Variants in SPOCK3 observed in about 807,000 individuals in gnomAD.
SPOCK3 encodes the protein SPARC (osteonectin), cwcv and kazal like domains proteoglycan 3, also known as testican-3.
SPOCK3 carries 30 observed loss-of-function variants against 56.6 expected under a neutral mutation model. That is an observed-to-expected ratio of 0.53 (90% CI 0.40 to 0.72). SPOCK3 has a LOEUF of 0.72. Ranked by LOEUF, SPOCK3 falls within the 30% of genes least tolerant of loss-of-function variation. The probability of loss-of-function intolerance (pLI) is 0.00; values close to 1 mark genes in which losing one functional copy is unlikely to be tolerated. For synonymous variants in SPOCK3, 196 were observed against 183.3 expected, an observed-to-expected ratio of 1.07 and a Z score of -0.56; for missense variants, 527 against 530.0, an observed-to-expected ratio of 0.99 and a Z score of 0.06.
intron 2 of SPOCK3, among the ~76,000 whole-genome samples, chr4:167,231,985 C>T (rs1737222466): frequency 6.6e-6 from 1 of 152,034 alleles, no homozygotes; most frequent in African/African-American, 2.4e-5. Flanking sequence ...TAAAATGTAT[C>T]AGTAAATCCT....
intron 4 of SPOCK3, among the ~76,000 whole-genome samples, chr4:166,979,429 GT>G (rs1039887426): frequency 1.4e-4 from 22 of 152,212 alleles, no homozygotes; most frequent in Non-Finnish European, 2.2e-4. Context: ...CATTTCCATT[GT>G]TTTTTCCCCA....
intron 4 of SPOCK3, among the ~76,000 whole-genome samples, chr4:166,997,784 G>T (rs1748541726): frequency 6.6e-6 from 1 of 152,188 alleles, no homozygotes; most frequent in Non-Finnish European, 1.5e-5. Flanking sequence ...AGACTGGAAA[G>T]TGTGTTTGAA....
At chr4:166,904,237 G>A (rs1460807453) in intron 5 of SPOCK3, among the ~76,000 whole-genome samples, 1 of 151,840 alleles carries the variant, frequency 6.6e-6, no homozygotes, top group East Asian at 1.9e-4. Context: ...CAATATTAGT[G>A]TATGTTAGTG....
chr4:167,002,328 T>C (rs973614568), intron 3 of SPOCK3, among the ~76,000 whole-genome samples: 4 of 152,284 alleles, frequency 2.6e-5, no homozygotes, highest in East Asian at 1.9e-4. Context: ...ATTTCAAATA[T>C]ATAAAGTATA....
intron 3 of SPOCK3, among the ~76,000 whole-genome samples, chr4:167,014,866 A>C (rs77554981): frequency 0.016 from 2,507 of 152,200 alleles, 61 homozygotes; most frequent in African/African-American, 0.056. Flanking sequence ...GGGTATCCGC[A>C]TTCACAAAAA....
chr4:167,038,361 C>G (rs1446937520), intron 3 of SPOCK3, among the ~76,000 whole-genome samples: 1 of 152,148 alleles, frequency 6.6e-6, no homozygotes, highest in Non-Finnish European at 1.5e-5. Flanking sequence ...GGCATACTTT[C>G]TTCATCTCTT....
At chr4:166,835,925 G>T (rs926911711) in intron 6 of SPOCK3, among the ~76,000 whole-genome samples, 1 of 152,124 alleles carries the variant, frequency 6.6e-6, no homozygotes, top group East Asian at 1.9e-4. Context: ...AGAATCGCTT[G>T]AACCTGGGAA....
chr4:167,118,250 T>C (rs879795727), intron 2 of SPOCK3, among the ~76,000 whole-genome samples: 1 of 152,194 alleles, frequency 6.6e-6, no homozygotes, highest in East Asian at 1.9e-4. Context: ...AGTAATTTTA[T>C]AGCTTATAGA....
intron 2 of SPOCK3, among the ~76,000 whole-genome samples, chr4:167,089,782 C>T (rs1476384993): frequency 1.3e-5 from 2 of 152,126 alleles, no homozygotes; most frequent in African/African-American, 4.8e-5. Flanking sequence ...TCTTTCATAT[C>T]CCTTTATAGT....
At position 166,939,339 on chromosome 4, in the gene SPOCK3, T is replaced by C. The variant is rs935896063; in HGVS notation, c.351-26596A>G. Among the ~76,000 whole-genome samples the C allele has an allele frequency of 5.3e-5, 8 of 152,268 alleles. No homozygotes were observed. In the East Asian group the frequency reaches 1.5e-3, roughly 29 times the overall value. Reference sequence around the variant, plus strand: ...TCCATACATATTTACTTATTATTTATTCTGCAAAATAAGCTATACAAGATG... The same window carrying C: ...TCCATACATATTTACTTATTATTTACTCTGCAAAATAAGCTATACAAGATG... On this transcript the variant is annotated intron_variant, in intron 4 of 10. Transcript: ENST00000357545.
intron 4 of SPOCK3, among the ~76,000 whole-genome samples, chr4:166,989,978 C>T (rs1747597388): frequency 6.6e-6 from 1 of 152,110 alleles, no homozygotes; most frequent in Non-Finnish European, 1.5e-5. Context: ...AAGGGGGAAG[C>T]AGTCACACCC....
At chr4:167,066,059 C>T (rs1756097967) in intron 2 of SPOCK3, among the ~76,000 whole-genome samples, 1 of 151,752 alleles carries the variant, frequency 6.6e-6, no homozygotes, top group African/African-American at 2.4e-5. Context: ...GAAATAATAA[C>T]TATAAGTTTT....
At chr4:167,065,465 G>T (rs34986886) in intron 2 of SPOCK3, among the ~76,000 whole-genome samples, 1 of 151,676 alleles carries the variant, frequency 6.6e-6, no homozygotes, top group Non-Finnish European at 1.5e-5. Flanking sequence ...AGCTTGGTTC[G>T]TTTGGGACCA....
chr4:167,117,868 T>C (rs762575160), intron 2 of SPOCK3, among the ~76,000 whole-genome samples: 13 of 152,104 alleles, frequency 8.5e-5, no homozygotes, highest in Non-Finnish European at 1.9e-4. Context: ...CAACAAAGCT[T>C]AATAAGACCC....
intron 3 of SPOCK3, among the ~76,000 whole-genome samples, chr4:167,013,840 A>G (rs1750336426): frequency 6.6e-6 from 1 of 152,102 alleles, no homozygotes; most frequent in African/African-American, 2.4e-5. Flanking sequence ...TTAATTTGTA[A>G]ATTGGAAAAA....
At chr4:166,863,057 G>T (rs1320755457) in intron 6 of SPOCK3, among the ~76,000 whole-genome samples, 1 of 152,122 alleles carries the variant, frequency 6.6e-6, no homozygotes, top group South Asian at 2.1e-4. Flanking sequence ...ACTAACAGTG[G>T]ATCTCTCTGC....
intron 5 of SPOCK3, among the ~76,000 whole-genome samples, chr4:166,901,366 C>T (rs975333594): frequency 6.6e-6 from 1 of 152,092 alleles, no homozygotes; most frequent in Non-Finnish European, 1.5e-5. Context: ...GTCCCCTGAA[C>T]GATATAGGTC....
intron 2 of SPOCK3, among the ~76,000 whole-genome samples, chr4:167,146,965 CG>C (rs1764015760): frequency 6.6e-6 from 1 of 151,756 alleles, no homozygotes; most frequent in South Asian, 2.1e-4. Context: ...AAGATCAGAC[CG>C]GAACTAAAGG....
At chr4:167,132,350 C>G (rs899020313) in intron 2 of SPOCK3, among the ~76,000 whole-genome samples, 1 of 152,164 alleles carries the variant, frequency 6.6e-6, no homozygotes, top group South Asian at 2.1e-4. Context: ...ATTGTTATCA[C>G]AGAAGACAAG....
Sources: gnomAD v4.1 joint callset for allele counts (sites outside exome capture counted in the v4.1 genomes callset) on GRCh38, gnomAD v4.1.1 for gene constraint, MANE v1.5 for transcripts, NCBI Gene and HGNC (gene_info 2026-07-23, HGNC 2026-07-21) for gene names.